The following FHAD1 variants were observed in gnomAD, a reference collection of about 807,000 sequenced individuals.
FHAD1 encodes forkhead associated phosphopeptide binding domain 1.
FHAD1 carries 146 observed loss-of-function variants against 191.3 expected under a neutral mutation model. That is an observed-to-expected ratio of 0.76 (90% CI 0.67 to 0.88). The LOEUF is 0.88. FHAD1 is among the 40% of genes least tolerant of loss of function. The pLI is 0.00. For missense variants in FHAD1, 1,635 were observed against 1,785.8 expected, an observed-to-expected ratio of 0.92 and a Z score of 1.52; for synonymous variants, 616 against 672.3, an observed-to-expected ratio of 0.92 and a Z score of 1.29.
intron 10 of FHAD1, among the ~76,000 whole-genome samples, chr1:15,321,747 G>A (rs1676339744): frequency 6.6e-6 from 1 of 152,218 alleles, no homozygotes; most frequent in East Asian, 1.9e-4. Flanking sequence ...GTGTACATTT[G>A]TGTGTGCAAG....
chr1:15,341,708 G>T, intron 15 of FHAD1, 28 bp from the exon 16 acceptor site: 1 of 1,536,608 alleles, frequency 6.5e-7, no homozygotes, highest in Non-Finnish European at 8.8e-7. Context: ...TCCCCCATCA[G>T]CATCGGTTTA....
intron 2 of FHAD1, among the ~76,000 whole-genome samples, chr1:15,259,786 G>A (rs2100963404): frequency 6.6e-6 from 1 of 152,306 alleles, no homozygotes; most frequent in South Asian, 2.1e-4. Flanking sequence ...TGTCTCAGGT[G>A]TCGGGGACAG....
chr1:15,287,697 C>T (rs965228087), intron 3 of FHAD1, among the ~76,000 whole-genome samples: 2 of 152,114 alleles, frequency 1.3e-5, no homozygotes, highest in Admixed American at 6.5e-5. Context: ...ACCAGGTGAT[C>T]GGAGTTTGGT....
At position 15,313,114 on chromosome 1, in the gene FHAD1, T is replaced by C; in HGVS notation, c.1097T>C (p.Leu366Pro). The C allele has an allele frequency of 6.4e-7, 1 of 1,551,754 alleles. No individual in the cohort carries two copies. The change falls in exon 8 of 34, where the codon CTA becomes CCA. Residue 366 changes from leucine (L) to proline (P), a missense_variant. By Grantham distance (98) the Leu-to-Pro change is moderately conservative. Transcript: ENST00000688493. Reference sequence around the variant, plus strand: ...GCAAAGGATGAGCAAGTTCAACAACTAAAGGAAGAGGTCAGTCACCTAAAA... The same window carrying C: ...GCAAAGGATGAGCAAGTTCAACAACCAAAGGAAGAGGTCAGTCACCTAAAA... Reference protein sequence around the residue: ...ILAKDEQVQQLKEEVSHLKSQ... With the variant: ...ILAKDEQVQQPKEEVSHLKSQ...
chr1:15,387,795 G>A (rs2103064164), intron 31 of FHAD1, among the ~76,000 whole-genome samples: 1 of 152,326 alleles, frequency 6.6e-6, no homozygotes, highest in South Asian at 2.1e-4. Context: ...TGAGGTGGGA[G>A]GACCGCTTGA....
intron 3 of FHAD1, among the ~76,000 whole-genome samples, chr1:15,284,590 G>A (rs1027844205): frequency 1.3e-5 from 2 of 152,110 alleles, no homozygotes; most frequent in Non-Finnish European, 2.9e-5. Flanking sequence ...AAGAATGCAT[G>A]GGTCCTGTAG....
intron 4 of FHAD1, among the ~76,000 whole-genome samples, chr1:15,291,391 A>G (rs78531607): frequency 0.024 from 3,673 of 152,208 alleles, 162 homozygotes; most frequent in African/African-American, 0.084. Context: ...CCATTTTGCT[A>G]TACTCTTATT....
chr1:15,242,342 A>G (rs998852358), upstream of FHAD1, among the ~76,000 whole-genome samples: 2 of 152,028 alleles, frequency 1.3e-5, no homozygotes, highest in Non-Finnish European at 2.9e-5. Context: ...TGGTTAAGTT[A>G]CTTGACTTTT....
At chr1:15,248,571 G>A (rs1229127643) in intron 1 of FHAD1, among the ~76,000 whole-genome samples, 1 of 151,336 alleles carries the variant, frequency 6.6e-6, no homozygotes, top group African/African-American at 2.5e-5. Context: ...GCCCTGGAAG[G>A]AGATGACCTT....
At chr1:15,375,058 A>G (rs1384276552) in intron 27 of FHAD1, among the ~76,000 whole-genome samples, 1 of 151,722 alleles carries the variant, frequency 6.6e-6, no homozygotes, top group Non-Finnish European at 1.5e-5. Flanking sequence ...GGATTTCACC[A>G]TATTGGTCAG....
chr1:15,258,616 G>T, intron 2 of FHAD1, among the ~76,000 whole-genome samples: 1 of 147,206 alleles, frequency 6.8e-6, no homozygotes, highest in East Asian at 2.0e-4. Flanking sequence ...TCAGAGTCTC[G>T]CTCTGTTGCC....
At chr1:15,392,328 C>T (rs58812257) in intron 33 of FHAD1, among the ~76,000 whole-genome samples, 162 of 152,222 alleles carry the variant, frequency 1.1e-3, no homozygotes, top group East Asian at 6.6e-3. Flanking sequence ...GTCAGGAGAT[C>T]GAGACCATCC....
At chr1:15,286,493 C>T (rs1291143395) in intron 3 of FHAD1, among the ~76,000 whole-genome samples, 8 of 152,158 alleles carry the variant, frequency 5.3e-5, no homozygotes, top group South Asian at 2.1e-4. Flanking sequence ...CAGAGTGAGA[C>T]GCTGTTTCAA....
intron 3 of FHAD1, among the ~76,000 whole-genome samples, chr1:15,283,112 T>G (rs1661177256): frequency 6.6e-6 from 1 of 152,174 alleles, no homozygotes; most frequent in Admixed American, 6.5e-5. Context: ...GAAGGGGTGG[T>G]TTATGCAGAA....
intron 6 of FHAD1, among the ~76,000 whole-genome samples, chr1:15,306,473 A>C (rs1288540620): frequency 6.6e-6 from 1 of 152,258 alleles, no homozygotes; most frequent in Non-Finnish European, 1.5e-5. Context: ...GGCCATGGGG[A>C]AAATGTCTCC....
rs115940981 is a variant in FHAD1 at position 15,367,576 on chromosome 1, G to A, written c.3268G>A (p.Val1090Ile). 3,312 of 1,327,878 alleles carry A rather than the reference G, an allele frequency of 2.5e-3. 52 individuals are homozygous for A. The African/African-American group carries it at 0.041, about 16-fold the overall frequency. The allele number at this position is 1,327,878 out of a possible 1,614,324, so 82.3% of individuals were successfully genotyped here. ...GAAGATGGCCCAGATGAGCAGCCTG[G>A]TAGAAAAGAAAGATCGGGAGCTGAA... ...KEKMAQMSSL[V>I]EKKDRELKAL... Residue 1090 changes from valine to isoleucine, a missense_variant, in exon 25 of 34, where the codon GTA becomes ATA. Physicochemically the swap from Val to Ile is conservative, Grantham distance 29. Coordinates refer to ENST00000688493, the MANE Select transcript of FHAD1 (RefSeq NM_001391957.1).
chr1:15,382,316 G>T, intron 31 of FHAD1, 123 bp downstream of exon 31: 1 of 962,110 alleles, frequency 1.0e-6, no homozygotes, highest in Non-Finnish European at 1.5e-6. Context: ...GCAAAGGGAG[G>T]CAACTGGATA....
At chr1:15,282,468 CTTATG>C (rs1227541371) in intron 3 of FHAD1, among the ~76,000 whole-genome samples, 26 of 152,302 alleles carry the variant, frequency 1.7e-4, no homozygotes, top group African/African-American at 6.3e-4. Context: ...CCCTAGCCAA[CTTATG>C]GTAGCAACTG....
intron 3 of FHAD1, among the ~76,000 whole-genome samples, chr1:15,277,143 A>G (rs1241223757): frequency 1.3e-5 from 2 of 152,192 alleles, no homozygotes; most frequent in Non-Finnish European, 2.9e-5. Context: ...AAGGAAACCT[A>G]CGTTGGCCTG....
Sources: allele counts gnomAD v4.1 joint callset (sites outside exome capture counted in the v4.1 genomes callset), GRCh38; gene constraint gnomAD v4.1.1; transcripts MANE v1.5; gene names NCBI Gene and HGNC (gene_info 2026-07-23, HGNC 2026-07-21).